SLC9A9: variants seen among roughly 807,000 people sequenced by gnomAD.
The protein encoded by SLC9A9 is solute carrier family 9 member A9.
Under a neutral mutation model 77.8 loss-of-function variants are expected in SLC9A9, and 62 were observed. The observed-to-expected ratio is 0.80, with a 90% confidence interval of 0.65 to 0.98. The LOEUF is 0.98. Ranked by LOEUF, SLC9A9 falls within the 50% of genes least tolerant of loss-of-function variation. The pLI is 0.00. For missense variants in SLC9A9, 775 were observed against 774.9 expected (o/e 1.00, Z 0.00); for synonymous variants, 320 against 283.5 (o/e 1.13, Z -1.29).
At chr3:143,581,627 T>C (rs1335195515) in intron 6 of SLC9A9, among the ~76,000 whole-genome samples, 1 of 152,186 alleles carries the variant, frequency 6.6e-6, no homozygotes, top group Non-Finnish European at 1.5e-5. Context: ...AAGTTCACAA[T>C]GTAGATTTCT....
intron 4 of SLC9A9, among the ~76,000 whole-genome samples, chr3:143,747,262 G>A (rs1377187233): frequency 6.6e-6 from 1 of 152,076 alleles, no homozygotes; most frequent in African/African-American, 2.4e-5. Flanking sequence ...AAACCACCTG[G>A]GTGTGGTGGC....
In SLC9A9 at chr3:143,266,839, G is replaced by A. The variant is rs147992384; in HGVS notation, c.1801C>T (p.Pro601Ser). 7 of 1,614,176 alleles carry A rather than the reference G, an allele frequency of 4.3e-6. No homozygotes were observed. The East Asian group carries it at 8.9e-5, about 21-fold the overall frequency. ...TGGTCCAGACCTAGCCTTGCAGGAGGACTGCAGGGTGAGGAGGCTTGCTCC... is the reference window on the plus strand; with the variant it reads ...TGGTCCAGACCTAGCCTTGCAGGAGAACTGCAGGGTGAGGAGGCTTGCTCC... The part of the protein sequence containing the change: ...YQEQASSPCS[P>S]PARLGLDQKA... The change falls in exon 16 of 16, where the codon CCT (proline) becomes TCT (serine). Residue 601 changes from proline to serine, a missense_variant. Physicochemically the swap from Pro to Ser is moderately conservative, Grantham distance 74. Coordinates refer to ENST00000316549, the MANE Select transcript of SLC9A9 (RefSeq NM_173653.4).
chr3:143,349,350 C>A (rs909911050), intron 14 of SLC9A9, among the ~76,000 whole-genome samples: 1 of 152,208 alleles, frequency 6.6e-6, no homozygotes, highest in African/African-American at 2.4e-5. Flanking sequence ...TTTCTTTGGA[C>A]AGAACCAGGA....
rs5853110 is a variant in SLC9A9, at chr3:143,524,180, G to GAA, written c.1089+28180_1089+28181dup. 4.9e-3 allele frequency among the ~76,000 whole-genome samples: 707 copies of GAA among 145,616 alleles called. 6 individuals are homozygous for GAA. Among genetic ancestry groups the GAA allele is most frequent in the Middle Eastern group, 0.014 (4 of 282 alleles). The stretch of plus-strand genomic sequence containing the variant: ...AATGAAAAATGCTACACTGAAGATA[G>GAA]AAAAAAAAAAAACTAAGAGAGATCT... On this transcript the variant is annotated intron_variant, in intron 9 of 15. Coordinates refer to ENST00000316549, the MANE Select transcript of SLC9A9 (RefSeq NM_173653.4).
At chr3:143,479,473 A>C (rs1003672669) in intron 11 of SLC9A9, among the ~76,000 whole-genome samples, 1 of 152,070 alleles carries the variant, frequency 6.6e-6, no homozygotes, top group Non-Finnish European at 1.5e-5. Context: ...GGCTGGTCTC[A>C]AACTCCTGGC....
intron 2 of SLC9A9, among the ~76,000 whole-genome samples, chr3:143,822,900 C>G (rs1019034625): frequency 6.6e-6 from 1 of 152,170 alleles, no homozygotes; most frequent in African/African-American, 2.4e-5. Flanking sequence ...TGCCTCCTTC[C>G]ATCCCTACGC....
At chr3:143,666,023 G>A (rs1018808270) in intron 5 of SLC9A9, among the ~76,000 whole-genome samples, 1 of 151,684 alleles carries the variant, frequency 6.6e-6, no homozygotes, top group Non-Finnish European at 1.5e-5. Flanking sequence ...GCAGAGACAC[G>A]ACTACAAAAA....
intron 5 of SLC9A9, among the ~76,000 whole-genome samples, chr3:143,669,233 C>T: frequency 6.6e-6 from 1 of 152,174 alleles, no homozygotes; most frequent in East Asian, 1.9e-4. Flanking sequence ...TTACTGAATC[C>T]AATTTGTCTC....
chr3:143,604,499 G>A (rs919814825), intron 6 of SLC9A9, among the ~76,000 whole-genome samples: 1 of 152,204 alleles, frequency 6.6e-6, no homozygotes, highest in African/African-American at 2.4e-5. Flanking sequence ...CCTGAGTTGG[G>A]ATGGCAACCA....
At chr3:143,325,431 G>A (rs1251080629) in intron 14 of SLC9A9, among the ~76,000 whole-genome samples, 1 of 152,066 alleles carries the variant, frequency 6.6e-6, no homozygotes, top group Non-Finnish European at 1.5e-5. Context: ...CTTACCCTTG[G>A]CCTCAGTTCA....
chr3:143,487,434 T>C (rs1344251907), intron 11 of SLC9A9, among the ~76,000 whole-genome samples: 2 of 151,736 alleles, frequency 1.3e-5, no homozygotes, highest in Admixed American at 6.6e-5. Context: ...AACAGACATA[T>C]ACAGAACAAT....
chr3:143,806,555 G>A (rs1396938813), intron 2 of SLC9A9, among the ~76,000 whole-genome samples: 1 of 151,968 alleles, frequency 6.6e-6, no homozygotes, highest in Non-Finnish European at 1.5e-5. Flanking sequence ...GTATTAAAAT[G>A]GAATGAATTA....
At chr3:143,683,551 A>G (rs1202649219) in intron 5 of SLC9A9, among the ~76,000 whole-genome samples, 1 of 152,152 alleles carries the variant, frequency 6.6e-6, no homozygotes, top group Non-Finnish European at 1.5e-5. Context: ...AAAAATCGGG[A>G]AAATTTCAGT....
chr3:143,807,040 T>C (rs993584807), intron 2 of SLC9A9, among the ~76,000 whole-genome samples: 3 of 151,886 alleles, frequency 2.0e-5, no homozygotes, highest in Non-Finnish European at 4.4e-5. Flanking sequence ...TCCGAGGAAG[T>C]GAAATTAGAG....
intron 4 of SLC9A9, among the ~76,000 whole-genome samples, chr3:143,791,898 C>T (rs996435137): frequency 1.3e-5 from 2 of 152,166 alleles, no homozygotes; most frequent in African/African-American, 4.8e-5. Flanking sequence ...AATGAAGAAA[C>T]GTGGTTATGT....
chr3:143,521,830 T>C (rs747719341), intron 9 of SLC9A9, among the ~76,000 whole-genome samples: 4 of 152,138 alleles, frequency 2.6e-5, no homozygotes, highest in Admixed American at 6.6e-5. Context: ...AGTATATATA[T>C]GCAAACTTTA....
intron 14 of SLC9A9, among the ~76,000 whole-genome samples, chr3:143,338,198 AG>A (rs2031985182): frequency 6.6e-6 from 1 of 152,222 alleles, no homozygotes; most frequent in Admixed American, 6.5e-5. Flanking sequence ...GCAATGTCAA[AG>A]TGTTATGGCC....
At chr3:143,465,788 T>A (rs113139997) in intron 12 of SLC9A9, among the ~76,000 whole-genome samples, 2,095 of 152,330 alleles carry the variant, frequency 0.014, 48 homozygotes, top group African/African-American at 0.047. Flanking sequence ...TAACCACCAC[T>A]GTGAAAGAAA....
intron 6 of SLC9A9, 149 bp downstream of exon 6, chr3:143,652,106 G>T: frequency 1.5e-6 from 1 of 665,204 alleles, no homozygotes; most frequent in Non-Finnish European, 2.7e-6. Context: ...GATGCCTAAT[G>T]AATTGTGCCC....
Sources: allele counts gnomAD v4.1 joint callset (sites outside exome capture counted in the v4.1 genomes callset), GRCh38; gene constraint gnomAD v4.1.1; transcripts MANE v1.5; gene names NCBI Gene and HGNC (gene_info 2026-07-23, HGNC 2026-07-21).